Variants in RARB observed in about 807,000 individuals in gnomAD.
RARB encodes the protein HBV-activated protein.
RARB carries 17 observed loss-of-function variants against 51.9 expected under a neutral mutation model. That is an observed-to-expected ratio of 0.33 (90% CI 0.22 to 0.49). The LOEUF (loss-of-function observed/expected upper bound fraction) is 0.49. RARB is among the 20% of genes least tolerant of loss of function. The pLI is 0.99. For missense variants in RARB, 369 were observed against 550.8 expected (o/e 0.67, Z 3.30); for synonymous variants, 215 against 195.4 (o/e 1.10, Z -0.84).
intron 3 of RARB, among the ~76,000 whole-genome samples, chr3:25,520,370 G>A (rs910675664): frequency 6.6e-6 from 1 of 152,098 alleles, no homozygotes; most frequent in Admixed American, 6.6e-5. Context: ...GTTCAGTAGG[G>A]ACCTTCTGAT....
At chr3:24,858,505 T>G (rs1467309913) in intron 1 of RARB, among the ~76,000 whole-genome samples, 2 of 152,214 alleles carry the variant, frequency 1.3e-5, no homozygotes, top group African/African-American at 4.8e-5. Context: ...CAGTTTGGCT[T>G]AAGATTTAGC....
chr3:25,252,338 T>G (rs753502535), intron 5 of RARB, among the ~76,000 whole-genome samples: 8 of 152,194 alleles, frequency 5.3e-5, no homozygotes, highest in Non-Finnish European at 8.8e-5. Flanking sequence ...TGGGGACCTT[T>G]GCAATTATAT....
intron 3 of RARB, among the ~76,000 whole-genome samples, chr3:25,061,304 A>C (rs561559753): frequency 6.6e-6 from 1 of 151,998 alleles, no homozygotes; most frequent in Admixed American, 6.6e-5. Flanking sequence ...AAACATATCA[A>C]AGTGTACTGG....
At chr3:25,209,477 C>T (rs1046412617) in intron 5 of RARB, among the ~76,000 whole-genome samples, 1 of 152,144 alleles carries the variant, frequency 6.6e-6, no homozygotes, top group South Asian at 2.1e-4. Flanking sequence ...AGTCACAACC[C>T]AAAGATTTGC....
At chr3:25,210,552 T>TG in intron 5 of RARB, among the ~76,000 whole-genome samples, 1 of 136,328 alleles carries the variant, frequency 7.3e-6, no homozygotes, top group Non-Finnish European at 1.6e-5. Context: ...TTTTTTTTTT[T>TG]TGAGATTGAG....
intron 5 of RARB, among the ~76,000 whole-genome samples, chr3:25,331,438 C>T (rs955693348): frequency 1.3e-5 from 2 of 152,084 alleles, no homozygotes; most frequent in African/African-American, 4.8e-5. Context: ...GGATACATAA[C>T]AAAACGAAGG....
intron 3 of RARB, among the ~76,000 whole-genome samples, chr3:25,527,064 T>C (rs189645356): frequency 1.4e-3 from 218 of 152,340 alleles, no homozygotes; most frequent in African/African-American, 5.0e-3. Context: ...CTTAGAGCAG[T>C]GCTTCTCAAA....
At chr3:25,184,604 C>A (rs1260978214) in intron 5 of RARB, among the ~76,000 whole-genome samples, 1 of 152,052 alleles carries the variant, frequency 6.6e-6, no homozygotes, top group Non-Finnish European at 1.5e-5. Flanking sequence ...TGTTCTTGGA[C>A]AGATTTTTAA....
rs569658952 is a variant in RARB, at chr3:25,522,308, G to A, written c.448+20985G>A. 1.2e-4 allele frequency among the ~76,000 whole-genome samples: 19 copies of A among 152,234 alleles called. No homozygotes were observed. The East Asian group carries it at 3.5e-3, about 28-fold the overall frequency. On this transcript the variant is annotated intron_variant, in intron 3 of 7. Coordinates refer to ENST00000330688, the MANE Select transcript of RARB (RefSeq NM_000965.5). Reference sequence around the variant, plus strand: ...CTTGCCAGTAAACTGCGGTTGGGAAGAGAGAAACTAAGAGAATGGTCTAAA... The same window carrying A: ...CTTGCCAGTAAACTGCGGTTGGGAAAAGAGAAACTAAGAGAATGGTCTAAA...
At chr3:24,971,206 T>C (rs529059032) in intron 2 of RARB, among the ~76,000 whole-genome samples, 6 of 152,024 alleles carry the variant, frequency 3.9e-5, no homozygotes, top group South Asian at 4.1e-4. Flanking sequence ...TTATATCTTT[T>C]AGTTTTCAAA....
At chr3:25,073,912 A>G (rs560745620) in intron 3 of RARB, among the ~76,000 whole-genome samples, 1 of 152,266 alleles carries the variant, frequency 6.6e-6, no homozygotes, top group Admixed American at 6.5e-5. Flanking sequence ...AATTGAAAGT[A>G]TGTCAAAGTA....
rs76016612 is a variant in RARB, at chr3:25,007,676, T to G, written c.-379-52449T>G. ...AAACAAAAAAGAATACTTTCAAAAG[T>G]TCTAATGAGTACTGCCTTATAAGAC... On this transcript the variant is annotated intron_variant, in intron 2 of 11. Coordinates refer to the RARB transcript ENST00000383772. Among the ~76,000 whole-genome samples the G allele has an allele frequency of 1.7e-3, 253 of 150,316 alleles. 2 individuals are homozygous for G. The East Asian group carries it at 0.043, about 26-fold the overall frequency.
At chr3:24,887,871 G>A (rs1199410109) in intron 2 of RARB, among the ~76,000 whole-genome samples, 1 of 152,158 alleles carries the variant, frequency 6.6e-6, no homozygotes, top group African/African-American at 2.4e-5. Flanking sequence ...CATGTAATGG[G>A]AAGAAGCTGA....
chr3:25,449,591 C>T (rs373485305), intron 1 of RARB, among the ~76,000 whole-genome samples: 3 of 152,230 alleles, frequency 2.0e-5, no homozygotes, highest in East Asian at 3.9e-4. Context: ...ACATGGGGGT[C>T]AGACCCATTC....
At chr3:24,831,694 A>G (rs1702284900) in intron 1 of RARB, among the ~76,000 whole-genome samples, 1 of 152,236 alleles carries the variant, frequency 6.6e-6, no homozygotes, top group African/African-American at 2.4e-5. Context: ...GAAAAAAAAA[A>G]ACTGTGGGGT....
chr3:24,975,580 C>T (rs920549515), intron 2 of RARB, among the ~76,000 whole-genome samples: 1 of 152,100 alleles, frequency 6.6e-6, no homozygotes, highest in East Asian at 1.9e-4. Flanking sequence ...CCCTATTATA[C>T]AGGATGAGGG....
At chr3:25,034,907 T>C (rs1476413002) in intron 2 of RARB, among the ~76,000 whole-genome samples, 3 of 152,240 alleles carry the variant, frequency 2.0e-5, no homozygotes, top group African/African-American at 7.2e-5. Context: ...CAGTGGCAGC[T>C]GCTCACTTTA....
At chr3:25,302,240 A>G (rs1379403871) in intron 5 of RARB, among the ~76,000 whole-genome samples, 1 of 152,210 alleles carries the variant, frequency 6.6e-6, no homozygotes. Context: ...AGGTTAAACA[A>G]AGATTAAGCA....
chr3:24,891,448 G>A (rs935607291), intron 2 of RARB, among the ~76,000 whole-genome samples: 9 of 152,176 alleles, frequency 5.9e-5, no homozygotes, highest in African/African-American at 1.9e-4. Flanking sequence ...CACTAGGTTA[G>A]TAGTGAGTAC....
Sources: allele counts gnomAD v4.1 joint callset (sites outside exome capture counted in the v4.1 genomes callset), GRCh38; gene constraint gnomAD v4.1.1; transcripts MANE v1.5; gene names NCBI Gene and HGNC (gene_info 2026-07-23, HGNC 2026-07-21).